Variants in RIMS2 observed in about 807,000 individuals in gnomAD.
RIMS2 encodes the protein regulating synaptic membrane exocytosis protein 2.
A neutral mutation model predicts 174.4 loss-of-function variants in RIMS2; 59 were observed. The ratio of observed to expected loss-of-function variants is 0.34; its 90% confidence interval spans 0.27 to 0.42. The LOEUF is 0.42. Ranked by LOEUF, RIMS2 falls within the 10% of genes least tolerant of loss-of-function variation. RIMS2 has a pLI of 1.00. For synonymous variants in RIMS2, 606 were observed against 572.5 expected (o/e 1.06, Z -0.84); for missense variants, 1,620 against 1,666.3 (o/e 0.97, Z 0.48).
chr8:103,788,555 T>TCG (rs2098465690), intron 3 of RIMS2, among the ~76,000 whole-genome samples: 1 of 151,648 alleles, frequency 6.6e-6, no homozygotes, highest in Non-Finnish European at 1.5e-5. Flanking sequence ...GTGCCCCTGC[T>TCG]GGGGGGTGCC....
chr8:103,763,692 A>T (rs1331165586), intron 2 of RIMS2, among the ~76,000 whole-genome samples: 1 of 152,218 alleles, frequency 6.6e-6, no homozygotes, highest in Non-Finnish European at 1.5e-5. Context: ...GGAATCAGAC[A>T]TCATCCTTCA....
At chr8:103,773,527 C>T (rs1592079256) in intron 3 of RIMS2, among the ~76,000 whole-genome samples, 1 of 151,888 alleles carries the variant, frequency 6.6e-6, no homozygotes, top group South Asian at 2.1e-4. Context: ...GTCAGGAGTT[C>T]GAGACCAGCC....
intron 2 of RIMS2, among the ~76,000 whole-genome samples, chr8:103,744,058 G>GT (rs1247100787): frequency 6.6e-6 from 1 of 152,000 alleles, no homozygotes; most frequent in Non-Finnish European, 1.5e-5. Flanking sequence ...TTGTTTGTTT[G>GT]TTTTTTGAGA....
At chr8:104,214,544 T>A (rs1009110088) in intron 19 of RIMS2, among the ~76,000 whole-genome samples, 2 of 151,988 alleles carry the variant, frequency 1.3e-5, no homozygotes, top group Non-Finnish European at 2.9e-5. Context: ...ACCGCCTGGG[T>A]TCAAGTGATT....
intron 2 of RIMS2, among the ~76,000 whole-genome samples, chr8:103,729,838 T>G (rs960805486): frequency 6.6e-6 from 1 of 152,210 alleles, no homozygotes; most frequent in African/African-American, 2.4e-5. Flanking sequence ...AATTTCCATG[T>G]GCTCACATGG....
chr8:103,595,864 C>A (rs1181761622), intron 1 of RIMS2, among the ~76,000 whole-genome samples: 1 of 151,924 alleles, frequency 6.6e-6, no homozygotes, highest in African/African-American at 2.4e-5. Flanking sequence ...AAAACCTCTT[C>A]CATCTTTTTT....
chr8:103,967,187 T>G (rs1345436975), intron 15 of RIMS2, among the ~76,000 whole-genome samples: 2 of 131,896 alleles, frequency 1.5e-5, no homozygotes, highest in African/African-American at 3.0e-5. Context: ...TTTTTTTTTT[T>G]TTTTTTTTTT....
chr8:103,617,117 C>G (rs1297525739), intron 1 of RIMS2, among the ~76,000 whole-genome samples: 1 of 151,984 alleles, frequency 6.6e-6, no homozygotes, highest in African/African-American at 2.4e-5. Flanking sequence ...AACTTCAAAC[C>G]ATACTACAAG....
At chr8:103,572,350 C>G (rs932337280) in intron 1 of RIMS2, among the ~76,000 whole-genome samples, 2 of 151,954 alleles carry the variant, frequency 1.3e-5, no homozygotes, top group African/African-American at 2.4e-5. Context: ...CTGCGCACGC[C>G]TTGCCGATTG....
intron 4 of RIMS2, among the ~76,000 whole-genome samples, chr8:103,899,333 T>C (rs1594792303): frequency 6.6e-6 from 1 of 151,794 alleles, no homozygotes. Context: ...TTTACAGTCC[T>C]ACCAACAGTG....
At chr8:103,936,614 A>G (rs199544053) in exon 13 of RIMS2, 39 of 1,610,184 alleles carry the variant, frequency 2.4e-5, no homozygotes, top group Non-Finnish European at 3.1e-5. Flanking sequence ...GGAACCAAAC[A>G]TTCATTTATT....
At chr8:104,096,578 A>G (rs2097766201) in intron 19 of RIMS2, among the ~76,000 whole-genome samples, 1 of 152,146 alleles carries the variant, frequency 6.6e-6, no homozygotes, top group South Asian at 2.1e-4. Context: ...TGCTTATAAG[A>G]AAATGTTGGG....
chr8:104,108,580 T>TACCCA (rs2098120869), intron 19 of RIMS2, among the ~76,000 whole-genome samples: 1 of 152,144 alleles, frequency 6.6e-6, no homozygotes, highest in Non-Finnish European at 1.5e-5. Context: ...ATTACAGGCA[T>TACCCA]AAGCCACCAT....
chr8:103,554,079 C>T (rs1450753830), intron 1 of RIMS2, among the ~76,000 whole-genome samples: 1 of 152,196 alleles, frequency 6.6e-6, no homozygotes, highest in East Asian at 1.9e-4. Flanking sequence ...AAATGTAAAA[C>T]CTGAAACTCT....
chr8:103,538,566 G>A (rs145597597), intron 1 of RIMS2, among the ~76,000 whole-genome samples: 3 of 151,524 alleles, frequency 2.0e-5, no homozygotes, highest in Non-Finnish European at 2.9e-5. Flanking sequence ...GCCCAGGCTG[G>A]ACTACAGTGG....
At chr8:104,206,600 C>T (rs1344135561) in intron 19 of RIMS2, among the ~76,000 whole-genome samples, 1 of 152,216 alleles carries the variant, frequency 6.6e-6, no homozygotes, top group Non-Finnish European at 1.5e-5. Flanking sequence ...GTAATTCTCA[C>T]AACAACCTAT....
chr8:103,969,911 G>A (rs989252547), intron 15 of RIMS2, among the ~76,000 whole-genome samples: 3 of 152,068 alleles, frequency 2.0e-5, no homozygotes, highest in African/African-American at 7.2e-5. Flanking sequence ...ATCATGTCCA[G>A]TTTATTTTTG....
At chr8:103,590,924 T>A (rs1193892199) in intron 1 of RIMS2, among the ~76,000 whole-genome samples, 1 of 151,024 alleles carries the variant, frequency 6.6e-6, no homozygotes, top group Non-Finnish European at 1.5e-5. Flanking sequence ...AATTGCTGGA[T>A]CGTAGGGCAG....
At chr8:103,731,716 A>G (rs1020971253) in intron 2 of RIMS2, among the ~76,000 whole-genome samples, 6 of 151,874 alleles carry the variant, frequency 4.0e-5, no homozygotes, top group Non-Finnish European at 8.8e-5. Flanking sequence ...TCCTTGTTCA[A>G]TTTTGCCATT....
Sources: allele counts gnomAD v4.1 joint callset (sites outside exome capture counted in the v4.1 genomes callset), GRCh38; gene constraint gnomAD v4.1.1; transcripts MANE v1.5; gene names NCBI Gene and HGNC (gene_info 2026-07-23, HGNC 2026-07-21).